The following SLC15A1 variants were observed in gnomAD, a reference collection of about 807,000 sequenced individuals.
SLC15A1 encodes solute carrier family 15 member 1, also known as Caco-2 oligopeptide transporter.
SLC15A1 carries 83 observed loss-of-function variants against 92.9 expected under a neutral mutation model. That is an observed-to-expected ratio of 0.89 (90% CI 0.75 to 1.07). The LOEUF (loss-of-function observed/expected upper bound fraction) is 1.07. Ranked by LOEUF, SLC15A1 falls within the 50% of genes least tolerant of loss-of-function variation. SLC15A1 has a pLI of 0.00. For missense variants in SLC15A1, 857 were observed against 880.1 expected, an observed-to-expected ratio of 0.97 and a Z score of 0.33; for synonymous variants, 322 against 318.2, an observed-to-expected ratio of 1.01 and a Z score of -0.13.
chr13:98,699,376 AC>A (rs1257660499), intron 18 of SLC15A1, among the ~76,000 whole-genome samples: 1 of 152,090 alleles, frequency 6.6e-6, no homozygotes, highest in Non-Finnish European at 1.5e-5. Context: ...CCCTCCCCAC[AC>A]CCTCAATGTT....
At chr13:98,689,940 C>T (rs556808838) in intron 18 of SLC15A1, among the ~76,000 whole-genome samples, 55 of 152,166 alleles carry the variant, frequency 3.6e-4, no homozygotes, top group Non-Finnish European at 6.8e-4. Context: ...GAATTGTTTG[C>T]CTTCATAGGA....
intron 17 of SLC15A1, 107 bp downstream of exon 17, chr13:98,704,182 G>A: frequency 4.1e-6 from 4 of 973,832 alleles, no homozygotes; most frequent in Non-Finnish European, 5.8e-6. Context: ...AATTGAGGAT[G>A]ATCTAATATA....
At chr13:98,716,058 G>T in intron 8 of SLC15A1, 98 bp from the exon 9 acceptor site, 1 of 983,852 alleles carries the variant, frequency 1.0e-6, no homozygotes, top group Non-Finnish European at 1.6e-6. Flanking sequence ...CTTTGTTTTG[G>T]GATAATGGGA....
At chr13:98,688,628 C>G (rs758092091) in intron 18 of SLC15A1, 51 bp from the exon 19 acceptor site, 1 of 1,374,796 alleles carries the variant, frequency 7.3e-7, no homozygotes, top group South Asian at 1.2e-5. Flanking sequence ...ATAATATATT[C>G]TAGGTCACAG....
intron 1 of SLC15A1, 146 bp downstream of exon 1, chr13:98,752,449 C>G (rs1441643644): frequency 3.9e-6 from 3 of 769,474 alleles, no homozygotes; most frequent in Admixed American, 4.4e-5. Context: ...CCGGGCGCCC[C>G]GCAACCTCCC....
chr13:98,696,920 G>C (rs1190120135), intron 18 of SLC15A1, among the ~76,000 whole-genome samples: 1 of 152,192 alleles, frequency 6.6e-6, no homozygotes, highest in Non-Finnish European at 1.5e-5. Context: ...GCCACACACA[G>C]AGAAAGGGCC....
chr13:98,686,114 T>C, intron 22 of SLC15A1, 76 bp downstream of exon 22: 1 of 1,061,276 alleles, frequency 9.4e-7, no homozygotes, highest in South Asian at 1.4e-5. Context: ...AGCACACAGA[T>C]GGCTAGGGAA....
intron 15 of SLC15A1, among the ~76,000 whole-genome samples, chr13:98,707,429 G>C (rs1439273560): frequency 1.3e-5 from 2 of 152,172 alleles, no homozygotes; most frequent in Non-Finnish European, 2.9e-5. Flanking sequence ...GCCACTCATA[G>C]GAAGTGCTAG....
intron 7 of SLC15A1, among the ~76,000 whole-genome samples, chr13:98,719,873 G>C (rs1383950278): frequency 6.6e-6 from 1 of 152,152 alleles, no homozygotes; most frequent in Non-Finnish European, 1.5e-5. Context: ...GTCTTGCCCA[G>C]ATTTCTGGAT....
At position 98,688,251 on chromosome 13, in the gene SLC15A1, C is replaced by T. The variant is rs754339784; in HGVS notation, c.1680G>A (p.Arg560=). The T allele has an allele frequency of 2.5e-6, 4 of 1,601,538 alleles. No individual in the cohort carries two copies. The highest frequency in any genetic ancestry group is 1.7e-5 in the Admixed American group (1 of 58,986). The change falls in exon 20 of 23, where the codon AGG becomes AGA. Residue 560 remains arginine, a synonymous_variant. Coordinates refer to ENST00000376503, the MANE Select transcript of SLC15A1 (RefSeq NM_005073.4). ...FGSAYTYIVQ[R]KNDSCPEVKV... is the part of the protein sequence containing the mutation. ...TACAATGAAACGAGTTACTAACCTT[C>T]CTTTGGACTATATAGGTATAAGCAC...
At chr13:98,734,563 C>T (rs1334683066) in intron 1 of SLC15A1, among the ~76,000 whole-genome samples, 3 of 152,156 alleles carry the variant, frequency 2.0e-5, no homozygotes, top group African/African-American at 7.2e-5. Context: ...AAAAGTGGGA[C>T]ACTCCTGCCT....
chr13:98,697,191 G>T (rs1033228793), intron 18 of SLC15A1, among the ~76,000 whole-genome samples: 4 of 152,178 alleles, frequency 2.6e-5, no homozygotes, highest in Non-Finnish European at 5.9e-5. Flanking sequence ...CAGTAGCTGG[G>T]ATTACAGGCA....
At chr13:98,722,806 C>T (rs1467816594) in intron 5 of SLC15A1, among the ~76,000 whole-genome samples, 6 of 152,136 alleles carry the variant, frequency 3.9e-5, no homozygotes, top group Admixed American at 3.9e-4. Context: ...AACAAAAACA[C>T]GGCCAACTGA....
chr13:98,741,149 G>A (rs1401334639), intron 1 of SLC15A1, among the ~76,000 whole-genome samples: 1 of 152,190 alleles, frequency 6.6e-6, no homozygotes, highest in African/African-American at 2.4e-5. Context: ...GGCCTGACAA[G>A]TGAGCGAGGG....
In SLC15A1 at chr13:98,720,323, AT is replaced by A. The variant is rs573865585; in HGVS notation, c.557-1004del. 8.9e-3 allele frequency among the ~76,000 whole-genome samples: 1,358 copies of A among 152,372 alleles called. 12 individuals are homozygous for A. The highest frequency in any genetic ancestry group is 0.048 in the Middle Eastern group (14 of 294). On this transcript the variant is annotated intron_variant, in intron 7 of 22. Transcript: ENST00000376503. ...AGAGTCATGAACTTCCTTTTAAAAA[AT>A]TATCCTTTAACAGATTCTATAATTT... is the stretch of plus-strand genomic sequence containing the variant.
chr13:98,706,145 G>A lies in SLC15A1; in HGVS notation c.1258C>T (p.Pro420Ser), dbSNP rs2088110841. ...TTCCTTCTACTTACTTGAGACATTG[G>A]GCCAAGTGTCACCATCTCTCCAGGA... ...SLPGEMVTLG[P>S]MSQTNAFMTF... Residue 420 changes from proline (P) to serine (S), a missense_variant, in exon 16 of 23, where the codon CCA (proline) becomes TCA (serine). Physicochemically the swap from Pro to Ser is moderately conservative, Grantham distance 74 (BLOSUM62 -1). Coordinates refer to ENST00000376503, the MANE Select transcript of SLC15A1 (RefSeq NM_005073.4). 1 of 1,610,752 alleles carries A rather than the reference G, an allele frequency of 6.2e-7. No individual in the cohort carries two copies. The highest frequency in any genetic ancestry group is 8.5e-7 in the Non-Finnish European group (1 of 1,179,290).
chr13:98,712,010 G>C, intron 10 of SLC15A1, 67 bp from the exon 11 acceptor site: 1 of 1,184,652 alleles, frequency 8.4e-7, no homozygotes. Context: ...ACGGCTTACA[G>C]GTGCTGCTGA....
chr13:98,741,631 C>T lies in SLC15A1; in HGVS notation c.4+10964G>A, dbSNP rs370212059. Among the ~76,000 whole-genome samples, 23 of 150,014 alleles carry T rather than the reference C, an allele frequency of 1.5e-4. No individual in the cohort carries two copies. The South Asian group carries it at 4.0e-3, about 26-fold the overall frequency. On this transcript the variant is annotated intron_variant, in intron 1 of 22. Transcript: ENST00000376503. Reference sequence around the variant, plus strand: ...CCCAGCTACTCAAGAGGCTGAGGCCCGAGAATTGCTTGAACCCAGGAGGTG... The same window carrying T: ...CCCAGCTACTCAAGAGGCTGAGGCCTGAGAATTGCTTGAACCCAGGAGGTG...
intron 18 of SLC15A1, among the ~76,000 whole-genome samples, chr13:98,693,144 C>G (rs1193932683): frequency 1.7e-5 from 2 of 120,700 alleles, no homozygotes; most frequent in Non-Finnish European, 3.2e-5. Flanking sequence ...GTTGCCCAGG[C>G]TGGAGAGCCA....
Sources: gnomAD v4.1 joint callset for allele counts (sites outside exome capture counted in the v4.1 genomes callset) on GRCh38, gnomAD v4.1.1 for gene constraint, MANE v1.5 for transcripts, NCBI Gene and HGNC (gene_info 2026-07-23, HGNC 2026-07-21) for gene names.